The following IGSF21 variants were observed in gnomAD, a reference collection of about 807,000 sequenced individuals.
The protein encoded by IGSF21 is immunoglobin superfamily member 21, also known as immunoglobulin superfamily member 21.
IGSF21 carries 28 observed loss-of-function variants against 46.8 expected under a neutral mutation model. That is an observed-to-expected ratio of 0.60 (90% CI 0.44 to 0.82). IGSF21 has a LOEUF of 0.82. Among genes scored for constraint, IGSF21 ranks in the 40% least tolerant of loss-of-function variants. The probability of loss-of-function intolerance (pLI) is 0.00; values close to 1 mark genes in which losing one functional copy is unlikely to be tolerated. For missense variants in IGSF21, 624 were observed against 665.5 expected (o/e 0.94, Z 0.69); for synonymous variants, 284 against 273.6 (o/e 1.04, Z -0.38).
chr1:18,333,841 A>G (rs2085739019), intron 3 of IGSF21, among the ~76,000 whole-genome samples: 1 of 152,186 alleles, frequency 6.6e-6, no homozygotes, highest in African/African-American at 2.4e-5. Flanking sequence ...CTCATCGCCT[A>G]TTTTTTTACA....
intron 1 of IGSF21, among the ~76,000 whole-genome samples, chr1:18,224,719 C>T (rs1410740318): frequency 2.6e-5 from 4 of 152,148 alleles, no homozygotes; most frequent in African/African-American, 7.2e-5. Flanking sequence ...AAGGGAAGAA[C>T]GGGTTTAATT....
intron 1 of IGSF21, among the ~76,000 whole-genome samples, chr1:18,151,508 C>A (rs56255918): frequency 1.3e-5 from 2 of 151,980 alleles, no homozygotes; most frequent in East Asian, 1.9e-4. Context: ...TGGCATATAC[C>A]ATCGACATCC....
intron 3 of IGSF21, among the ~76,000 whole-genome samples, chr1:18,302,929 C>T (rs1438238919): frequency 6.6e-6 from 1 of 152,236 alleles, no homozygotes. Flanking sequence ...AAGGAGGCCA[C>T]TGGAACTCCC....
chr1:18,135,068 C>A (rs961583568), intron 1 of IGSF21, among the ~76,000 whole-genome samples: 4 of 152,124 alleles, frequency 2.6e-5, no homozygotes, highest in Admixed American at 6.5e-5. Context: ...CAGATGAGGA[C>A]CCCAAACCCC....
intron 3 of IGSF21, among the ~76,000 whole-genome samples, chr1:18,311,603 G>A (rs1049705381): frequency 2.6e-5 from 4 of 152,112 alleles, no homozygotes; most frequent in South Asian, 2.1e-4. Flanking sequence ...CTGTTCTCAC[G>A]CTGCTAATAA....
intron 4 of IGSF21, among the ~76,000 whole-genome samples, chr1:18,338,581 C>T (rs1024327562): frequency 6.6e-6 from 1 of 152,168 alleles, no homozygotes; most frequent in Non-Finnish European, 1.5e-5. Context: ...CCAGAAAGCC[C>T]AGCACCCCAG....
chr1:18,336,166 A>G (rs1355636374), intron 4 of IGSF21, among the ~76,000 whole-genome samples: 1 of 152,196 alleles, frequency 6.6e-6, no homozygotes, highest in Non-Finnish European at 1.5e-5. Context: ...TTTTTATAGG[A>G]AAAATGCTTA....
chr1:18,295,962 T>G (rs917294888), intron 3 of IGSF21, among the ~76,000 whole-genome samples: 8 of 152,206 alleles, frequency 5.3e-5, no homozygotes, highest in Admixed American at 2.6e-4. Flanking sequence ...TGGCACACAG[T>G]GGGTGCATAA....
intron 1 of IGSF21, chr1:18,111,205 T>TG (rs1314377876): frequency 6.6e-6 from 1 of 152,146 alleles, no homozygotes; most frequent in African/African-American, 2.4e-5. Context: ...CAGCCCCAAC[T>TG]GGGGGAGTTA....
At chr1:18,185,643 T>C (rs369110749) in intron 1 of IGSF21, among the ~76,000 whole-genome samples, 52 of 152,296 alleles carry the variant, frequency 3.4e-4, no homozygotes, top group African/African-American at 1.2e-3. Context: ...ACTTCCTGGC[T>C]CAGAATCCCA....
intron 1 of IGSF21, among the ~76,000 whole-genome samples, chr1:18,221,972 C>T (rs1434527064): frequency 1.3e-5 from 2 of 152,164 alleles, no homozygotes; most frequent in African/African-American, 4.8e-5. Flanking sequence ...GCTCCCTTCT[C>T]ATTTTACAGA....
chr1:18,339,491 G>A (rs539129982), intron 4 of IGSF21, among the ~76,000 whole-genome samples: 173 of 152,284 alleles, frequency 1.1e-3, no homozygotes, highest in African/African-American at 3.9e-3. Context: ...CAGTACTTCC[G>A]GAGGCTGAGG....
At chr1:18,226,734 C>A (rs2084570981) in intron 1 of IGSF21, among the ~76,000 whole-genome samples, 1 of 152,238 alleles carries the variant, frequency 6.6e-6, no homozygotes, top group Non-Finnish European at 1.5e-5. Flanking sequence ...TGGGCTCCAT[C>A]TATTCAGCTT....
chr1:18,172,558 C>A (rs552155137), intron 1 of IGSF21, among the ~76,000 whole-genome samples: 6 of 152,150 alleles, frequency 3.9e-5, no homozygotes, highest in Non-Finnish European at 8.8e-5. Context: ...CTTCACATGG[C>A]CTTTCCTTGT....
chr1:18,313,521 A>G (rs2085510940), intron 3 of IGSF21, among the ~76,000 whole-genome samples: 1 of 152,178 alleles, frequency 6.6e-6, no homozygotes, highest in African/African-American at 2.4e-5. Flanking sequence ...AAATGAGTTA[A>G]TAAAGCTCTT....
chr1:18,332,498 C>CT lies in IGSF21; in HGVS notation c.306-2380dup, dbSNP rs71018070. On this transcript the variant is annotated intron_variant, in intron 3 of 9. Coordinates refer to ENST00000251296, the MANE Select transcript of IGSF21 (RefSeq NM_032880.5). ...AGTCATGCCATCTCTCTCTGAGTCT[C>CT]TTTTTTTTTTTTTTATCTAAAATAT... Among the ~76,000 whole-genome samples, 824 of 147,424 alleles carry CT rather than the reference C, an allele frequency of 5.6e-3. 4 individuals are homozygous for CT. The highest frequency in any genetic ancestry group is 6.6e-3 in the Non-Finnish European group (442 of 66,856).
intron 4 of IGSF21, among the ~76,000 whole-genome samples, chr1:18,340,932 T>C (rs1339529131): frequency 6.6e-6 from 1 of 151,886 alleles, no homozygotes; most frequent in East Asian, 1.9e-4. Flanking sequence ...TCTTCTTTCC[T>C]CCTCTTCTCC....
At chr1:18,216,555 G>A (rs1041844606) in intron 1 of IGSF21, among the ~76,000 whole-genome samples, 1 of 152,176 alleles carries the variant, frequency 6.6e-6, no homozygotes, top group African/African-American at 2.4e-5. Flanking sequence ...ACCAGGAGAT[G>A]TGGAGGGTCC....
At chr1:18,235,939 C>A (rs576705379) in intron 2 of IGSF21, among the ~76,000 whole-genome samples, 1 of 152,182 alleles carries the variant, frequency 6.6e-6, no homozygotes, top group Non-Finnish European at 1.5e-5. Context: ...GAAAAATGTT[C>A]TGCTTATGAT....
Sources: gnomAD v4.1 joint callset for allele counts (sites outside exome capture counted in the v4.1 genomes callset) on GRCh38, gnomAD v4.1.1 for gene constraint, MANE v1.5 for transcripts, NCBI Gene and HGNC (gene_info 2026-07-23, HGNC 2026-07-21) for gene names.